Variants in OIP5 observed in about 807,000 individuals in gnomAD.
The protein encoded by OIP5 is Opa interacting protein 5.
A neutral mutation model predicts 20.3 loss-of-function variants in OIP5; 24 were observed. That is an observed-to-expected ratio of 1.18 (90% CI 0.86 to 1.66). The LOEUF (loss-of-function observed/expected upper bound fraction) is 1.66, where lower values mean the gene tolerates loss of function less well. Ranked by LOEUF, OIP5 falls within the 40% of genes most tolerant of loss-of-function variation. OIP5 has a pLI of 0.00. For synonymous variants in OIP5, 143 were observed against 121.3 expected (o/e 1.18, Z -1.17); for missense variants, 339 against 289.5 (o/e 1.17, Z -1.24).
chr15:41,324,830 C>G (rs2047851906), intron 2 of OIP5, among the ~76,000 whole-genome samples: 1 of 152,196 alleles, frequency 6.6e-6, no homozygotes. Flanking sequence ...CATGACTTCA[C>G]ATGCCTTCCT....
intron 2 of OIP5, among the ~76,000 whole-genome samples, chr15:41,323,792 T>G (rs1371134125): frequency 1.3e-5 from 2 of 152,060 alleles, no homozygotes; most frequent in Non-Finnish European, 2.9e-5. Flanking sequence ...AGGTAATGAC[T>G]TCTCCTTTCT....
intron 2 of OIP5, among the ~76,000 whole-genome samples, chr15:41,329,117 T>C (rs2047881163): frequency 6.7e-6 from 1 of 149,952 alleles, no homozygotes; most frequent in Admixed American, 6.7e-5. Flanking sequence ...GAGTCTGCTG[T>C]CTCTAAAATT....
intron 3 of OIP5, among the ~76,000 whole-genome samples, chr15:41,317,888 T>C (rs971739177): frequency 1.3e-5 from 2 of 152,126 alleles, no homozygotes; most frequent in Non-Finnish European, 2.9e-5. Flanking sequence ...CTATGTTGCC[T>C]AGGCTGGTCT....
chr15:41,310,882 A>G (rs2047749719), intron 4 of OIP5, among the ~76,000 whole-genome samples: 1 of 152,252 alleles, frequency 6.6e-6, no homozygotes, highest in African/African-American at 2.4e-5. Flanking sequence ...TAGGTTTAGA[A>G]CAGATAACTG....
intron 2 of OIP5, among the ~76,000 whole-genome samples, chr15:41,322,323 T>C (rs1180829425): frequency 6.6e-6 from 1 of 152,162 alleles, no homozygotes; most frequent in Non-Finnish European, 1.5e-5. Flanking sequence ...AAATATTTCA[T>C]CATGCATGTG....
chr15:41,322,756 G>A (rs1472204877), intron 2 of OIP5, among the ~76,000 whole-genome samples: 1 of 152,008 alleles, frequency 6.6e-6, no homozygotes, highest in Non-Finnish European at 1.5e-5. Flanking sequence ...CCAACGTGGC[G>A]AAACCCTGTC....
At chr15:41,329,481 A>G (rs948845160) in intron 2 of OIP5, among the ~76,000 whole-genome samples, 5 of 151,356 alleles carry the variant, frequency 3.3e-5, no homozygotes, top group Non-Finnish European at 7.4e-5. Context: ...TCGCCCCCCT[A>G]ATTTTTGTAC....
At chr15:41,316,728 T>TA (rs1406965212) in intron 3 of OIP5, among the ~76,000 whole-genome samples, 2 of 131,416 alleles carry the variant, frequency 1.5e-5, no homozygotes, top group African/African-American at 3.0e-5. Flanking sequence ...GGGTGAAGCT[T>TA]ACAGTGAACC....
At position 41,332,448 on chromosome 15, in the gene OIP5, C is replaced by T; in HGVS notation, c.114G>A (p.Glu38=). The T allele has an allele frequency of 1.2e-6, 2 of 1,614,102 alleles. No homozygotes were observed. Among genetic ancestry groups the T allele is most frequent in the South Asian group, 1.1e-5 (1 of 91,090 alleles). Residue 38 remains glutamate (E), a synonymous_variant, in exon 1 of 5, where the codon GAG becomes GAA. Coordinates refer to ENST00000220514, the MANE Select transcript of OIP5 (RefSeq NM_007280.2). ...ACCCCTTCACCACCTGCGTATCCCA[C>T]TCCATGGAGGTCGTAAAAGAAGCTT... ...IDQASFTTSM[E]WDTQVVKGSS... is the part of the protein sequence containing the mutation.
Position 41,327,376 on chromosome 15 carries a change from G to A in OIP5, c.389+4539C>T, listed in dbSNP as rs113707846. 4.5e-3 allele frequency among the ~76,000 whole-genome samples: 682 copies of A among 151,906 alleles called. 4 individuals are homozygous for A. Among genetic ancestry groups the A allele is most frequent in the South Asian group, 0.025 (121 of 4,812 alleles). On this transcript the variant is annotated intron_variant, in intron 2 of 4. Coordinates refer to ENST00000220514, the MANE Select transcript of OIP5 (RefSeq NM_007280.2). The stretch of plus-strand genomic sequence containing the variant: ...TTTGTATTAGTAGAGATGGGGTTTC[G>A]CTATGTCATCCAGGCTGGTGTTGAA...
At chr15:41,326,869 C>T (rs1323773706) in intron 2 of OIP5, among the ~76,000 whole-genome samples, 2 of 152,104 alleles carry the variant, frequency 1.3e-5, no homozygotes, top group African/African-American at 4.8e-5. Flanking sequence ...ATCATGGGCA[C>T]TGGAGAATAT....
chr15:41,319,877 G>T, intron 2 of OIP5, 97 bp from the exon 3 acceptor site: 1 of 970,004 alleles, frequency 1.0e-6, no homozygotes, highest in Non-Finnish European at 1.5e-6. Flanking sequence ...ACCTAAGTCA[G>T]GGTGAAAATT....
intron 2 of OIP5, among the ~76,000 whole-genome samples, chr15:41,326,615 G>A (rs1319233197): frequency 6.6e-6 from 1 of 152,148 alleles, no homozygotes; most frequent in Non-Finnish European, 1.5e-5. Context: ...TACTAGACAC[G>A]GGGTTTCCCC....
intron 2 of OIP5, among the ~76,000 whole-genome samples, chr15:41,324,196 T>C (rs916937401): frequency 1.3e-5 from 2 of 152,106 alleles, no homozygotes; most frequent in East Asian, 1.9e-4. Context: ...CATTTCACCA[T>C]GTTGCCCAGG....
chr15:41,321,086 G>A (rs1016619555), intron 2 of OIP5, among the ~76,000 whole-genome samples: 4 of 105,498 alleles, frequency 3.8e-5, no homozygotes, highest in Non-Finnish European at 7.6e-5. Flanking sequence ...CCCTCCGCCC[G>A]GCAGCCACCC....
At chr15:41,328,207 T>A (rs7169543) in intron 2 of OIP5, among the ~76,000 whole-genome samples, 5 of 152,158 alleles carry the variant, frequency 3.3e-5, no homozygotes, top group Non-Finnish European at 7.3e-5. Context: ...GTTTTAGAGA[T>A]GAAGTCTCGC....
Position 41,313,256 on chromosome 15 carries a change from C to A in OIP5, c.594+17G>T. 6.7e-7 allele frequency: 1 copy of A among 1,483,586 alleles called. No homozygotes were observed. Among genetic ancestry groups the A allele is most frequent in the South Asian group, 1.1e-5 (1 of 87,496 alleles). 91.9% of individuals were successfully genotyped at this position (1,483,586 alleles called of 1,614,324 possible). A position where few individuals can be genotyped will look rare whatever the true frequency, so the allele number is the denominator to read the frequency against. ...GTCTGTATTTTAAAAAAGCATACAA[C>A]CATCATGAAATTTTACCTCTGCAAT... is the stretch of plus-strand genomic sequence containing the variant. On this transcript the variant is annotated intron_variant, in intron 4 of 4. Coordinates refer to ENST00000220514, the MANE Select transcript of OIP5 (RefSeq NM_007280.2).
intron 4 of OIP5, among the ~76,000 whole-genome samples, chr15:41,311,184 A>AT (rs2047751590): frequency 2.0e-5 from 3 of 152,240 alleles, no homozygotes; most frequent in African/African-American, 4.8e-5. Flanking sequence ...CCTGGCCATC[A>AT]TTTTTAGCAG....
chr15:41,328,969 G>A (rs1435856475), intron 2 of OIP5, among the ~76,000 whole-genome samples: 1 of 150,076 alleles, frequency 6.7e-6, no homozygotes, highest in Admixed American at 6.7e-5. Context: ...GGGAGGCTGA[G>A]GTAGGAGAAT....
Sources: gnomAD v4.1 joint callset for allele counts (sites outside exome capture counted in the v4.1 genomes callset) on GRCh38, gnomAD v4.1.1 for gene constraint, MANE v1.5 for transcripts, NCBI Gene and HGNC (gene_info 2026-07-23, HGNC 2026-07-21) for gene names.